The following LHFPL6 variants were observed in gnomAD, a reference collection of about 807,000 sequenced individuals.
LHFPL6 encodes LHFPL tetraspan subfamily member 6.
Under a neutral mutation model 20.6 loss-of-function variants are expected in LHFPL6, and 9 were observed. That is an observed-to-expected ratio of 0.44 (90% CI 0.26 to 0.76). The LOEUF is 0.76. Among genes scored for constraint, LHFPL6 ranks in the 30% least tolerant of loss-of-function variants. LHFPL6 has a pLI of 0.20. For missense variants in LHFPL6, 218 were observed against 253.5 expected (o/e 0.86, Z 0.95); for synonymous variants, 105 against 98.7 (o/e 1.06, Z -0.38).
chr13:39,566,759 A>T (rs1871732582), intron 2 of LHFPL6, among the ~76,000 whole-genome samples: 5 of 145,546 alleles, frequency 3.4e-5, no homozygotes, highest in Admixed American at 3.4e-4. Context: ...AAAAAAAAAA[A>T]ATTTGCTTTA....
chr13:39,391,693 A>C (rs558324308), intron 2 of LHFPL6, among the ~76,000 whole-genome samples: 11 of 152,192 alleles, frequency 7.2e-5, no homozygotes, highest in African/African-American at 2.6e-4. Context: ...AATTTAGAGA[A>C]TATGAACGTA....
intron 2 of LHFPL6, among the ~76,000 whole-genome samples, chr13:39,478,762 C>T (rs939523597): frequency 6.6e-6 from 1 of 152,048 alleles, no homozygotes; most frequent in South Asian, 2.1e-4. Flanking sequence ...GAATATTGGC[C>T]TTTTCCTGTA....
At chr13:39,530,333 C>T (rs1444454269) in intron 2 of LHFPL6, among the ~76,000 whole-genome samples, 1 of 151,516 alleles carries the variant, frequency 6.6e-6, no homozygotes, top group African/African-American at 2.4e-5. Context: ...AGATCCCATT[C>T]CATGAACTGA....
intron 3 of LHFPL6, among the ~76,000 whole-genome samples, chr13:39,376,649 T>G (rs1315435650): frequency 6.6e-6 from 1 of 152,206 alleles, no homozygotes; most frequent in Non-Finnish European, 1.5e-5. Context: ...CAGAATTTTT[T>G]TTCATAGATG....
intron 2 of LHFPL6, among the ~76,000 whole-genome samples, chr13:39,507,239 T>TA (rs1869517025): frequency 6.6e-6 from 1 of 152,204 alleles, no homozygotes; most frequent in African/African-American, 2.4e-5. Flanking sequence ...TACACGTCCT[T>TA]ACAAGCAGTG....
chr13:39,373,439 T>G (rs1870210357), intron 3 of LHFPL6, among the ~76,000 whole-genome samples: 1 of 152,198 alleles, frequency 6.6e-6, no homozygotes, highest in South Asian at 2.1e-4. Context: ...GGCTACGCAT[T>G]CCCATTCTAT....
At chr13:39,402,607 T>C (rs930570859) in intron 2 of LHFPL6, among the ~76,000 whole-genome samples, 2 of 152,170 alleles carry the variant, frequency 1.3e-5, no homozygotes, top group Non-Finnish European at 2.9e-5. Flanking sequence ...TATATTTCTA[T>C]TGACAACACA....
At position 39,431,465 on chromosome 13, in the gene LHFPL6, C is replaced by T. The variant is rs568393227; in HGVS notation, c.386-52939G>A. Among the ~76,000 whole-genome samples, 4 of 152,320 alleles carry T rather than the reference C, an allele frequency of 2.6e-5. No homozygotes were observed. The East Asian group carries it at 7.7e-4, about 29-fold the overall frequency. On this transcript the variant is annotated intron_variant, in intron 2 of 3. Coordinates refer to ENST00000379589, the MANE Select transcript of LHFPL6 (RefSeq NM_005780.3). ...ATTCTGAACACAACACCTACAAACT[C>T]ATACTTCCAGCACATACCTTTTGTC...
rs146744347 is a variant in LHFPL6, at chr13:39,461,628, A to G, written c.386-83102T>C. 2.2e-4 allele frequency among the ~76,000 whole-genome samples: 34 copies of G among 152,292 alleles called. No homozygotes were observed. In the East Asian group the frequency reaches 6.4e-3, roughly 29 times the overall value. Reference sequence around the variant, plus strand: ...TGAGACATTATCAAAGATGATTTATATTCAGAGATGCTAAGGCTAGTCTAT... The same window carrying G: ...TGAGACATTATCAAAGATGATTTATGTTCAGAGATGCTAAGGCTAGTCTAT... On this transcript the variant is annotated intron_variant, in intron 2 of 3. Transcript: ENST00000379589.
chr13:39,530,227 G>A (rs1490729419), intron 2 of LHFPL6, among the ~76,000 whole-genome samples: 7 of 145,772 alleles, frequency 4.8e-5, no homozygotes, highest in Admixed American at 2.1e-4. Flanking sequence ...CAGCCTGGGC[G>A]ACAAAGTGAG....
At chr13:39,494,272 C>T (rs1157908320) in intron 2 of LHFPL6, among the ~76,000 whole-genome samples, 1 of 152,238 alleles carries the variant, frequency 6.6e-6, no homozygotes, top group African/African-American at 2.4e-5. Context: ...CAGCTCTTAG[C>T]GCTGCCCATA....
chr13:39,450,988 C>T (rs952621577), intron 2 of LHFPL6, among the ~76,000 whole-genome samples: 2 of 152,156 alleles, frequency 1.3e-5, no homozygotes, highest in African/African-American at 4.8e-5. Context: ...TCAATTACCA[C>T]AAATTTACCA....
chr13:39,575,423 A>G (rs117728044), intron 2 of LHFPL6, among the ~76,000 whole-genome samples: 2,393 of 152,338 alleles, frequency 0.016, 33 homozygotes, highest in Middle Eastern at 0.034. Flanking sequence ...ATTAAAGATT[A>G]GTGTTAAAAT....
Position 39,501,662 on chromosome 13 carries a change from G to A in LHFPL6, c.385+99170C>T, listed in dbSNP as rs370159967. ...AAAAGAGGGGTTGGGGGTGGGTGAG[G>A]TATGGAGAAACAAGATTCATGAGTT... On this transcript the variant is annotated intron_variant, in intron 2 of 3. Coordinates refer to ENST00000379589, the MANE Select transcript of LHFPL6 (RefSeq NM_005780.3). Among the ~76,000 whole-genome samples the A allele has an allele frequency of 3.6e-4, 55 of 152,242 alleles. No individual in the cohort carries two copies. The East Asian group carries it at 0.01, about 28-fold the overall frequency.
intron 2 of LHFPL6, among the ~76,000 whole-genome samples, chr13:39,379,326 T>C (rs1227685907): frequency 6.6e-6 from 1 of 152,186 alleles, no homozygotes; most frequent in Non-Finnish European, 1.5e-5. Context: ...CTATTTGAAT[T>C]TGTGGGCTAA....
intron 3 of LHFPL6, among the ~76,000 whole-genome samples, chr13:39,364,932 A>G (rs958478348): frequency 3.3e-5 from 5 of 152,206 alleles, no homozygotes; most frequent in African/African-American, 9.6e-5. Flanking sequence ...TGTACTGTTA[A>G]GATGATAAAG....
chr13:39,385,630 T>C (rs1441684686), intron 2 of LHFPL6, among the ~76,000 whole-genome samples: 1 of 152,228 alleles, frequency 6.6e-6, no homozygotes, highest in East Asian at 1.9e-4. Context: ...GTGTGAAGTC[T>C]GAAGTCTGTA....
At chr13:39,504,549 C>A (rs1178086862) in intron 2 of LHFPL6, among the ~76,000 whole-genome samples, 1 of 152,170 alleles carries the variant, frequency 6.6e-6, no homozygotes, top group Non-Finnish European at 1.5e-5. Flanking sequence ...GGCCTCTCTC[C>A]TTGGCTGGCA....
chr13:39,458,648 T>C (rs555882771), intron 2 of LHFPL6, among the ~76,000 whole-genome samples: 1 of 151,634 alleles, frequency 6.6e-6, no homozygotes, highest in South Asian at 2.1e-4. Context: ...TGAGCCGTGA[T>C]TGTGCCACTG....
Sources: allele counts gnomAD v4.1 joint callset (sites outside exome capture counted in the v4.1 genomes callset), GRCh38; gene constraint gnomAD v4.1.1; transcripts MANE v1.5; gene names NCBI Gene and HGNC (gene_info 2026-07-23, HGNC 2026-07-21).